TRDN: variants seen among roughly 807,000 people sequenced by gnomAD.
The protein encoded by TRDN is triadin.
A neutral mutation model predicts 149.7 loss-of-function variants in TRDN; 161 were observed. The ratio of observed to expected loss-of-function variants is 1.08; its 90% confidence interval spans 0.95 to 1.23. The LOEUF is 1.23. Ranked by LOEUF, TRDN falls within the 50% of genes most tolerant of loss-of-function variation. The pLI is 0.00. For missense variants in TRDN, 896 were observed against 823.5 expected (o/e 1.09, Z -1.08); for synonymous variants, 294 against 250.5 (o/e 1.17, Z -1.64).
intron 1 of TRDN, among the ~76,000 whole-genome samples, chr6:123,591,517 A>G (rs1416009359): frequency 6.6e-6 from 1 of 152,214 alleles, no homozygotes; most frequent in African/African-American, 2.4e-5. Flanking sequence ...AAGTGCTGGG[A>G]TTATAGGCAT....
At chr6:123,497,149 C>CA in intron 9 of TRDN, 44 bp downstream of exon 9, 1 of 1,437,386 alleles carries the variant, frequency 7.0e-7, no homozygotes, top group East Asian at 2.7e-5. Context: ...ATCTTAGAAA[C>CA]AAAGACTATT....
chr6:123,341,526 G>A (rs1780061903), intron 21 of TRDN, among the ~76,000 whole-genome samples: 1 of 147,390 alleles, frequency 6.8e-6, no homozygotes, highest in South Asian at 2.1e-4. Flanking sequence ...ATAAAATTTT[G>A]CAACCTGTGT....
chr6:123,385,555 T>C (rs560779968), intron 14 of TRDN, among the ~76,000 whole-genome samples: 26 of 152,314 alleles, frequency 1.7e-4, no homozygotes, highest in Admixed American at 1.4e-3. Context: ...ACCTGCCTGA[T>C]TGACAACTTT....
intron 13 of TRDN, among the ~76,000 whole-genome samples, chr6:123,391,050 T>C (rs1392694596): frequency 6.6e-6 from 1 of 152,098 alleles, no homozygotes; most frequent in African/African-American, 2.4e-5. Flanking sequence ...TACCTCATCA[T>C]TGCACCTAAC....
chr6:123,542,667 C>T (rs1379959400), intron 4 of TRDN, among the ~76,000 whole-genome samples: 1 of 151,930 alleles, frequency 6.6e-6, no homozygotes, highest in African/African-American at 2.4e-5. Flanking sequence ...AGTGTTAATA[C>T]CAGTATTTTA....
At chr6:123,306,673 C>G (rs905489761) in intron 24 of TRDN, among the ~76,000 whole-genome samples, 1 of 152,040 alleles carries the variant, frequency 6.6e-6, no homozygotes, top group Non-Finnish European at 1.5e-5. Context: ...GCTGGCTAAA[C>G]TTTCTCGAAA....
chr6:123,438,577 A>C (rs1240389284), intron 11 of TRDN, among the ~76,000 whole-genome samples: 1 of 152,126 alleles, frequency 6.6e-6, no homozygotes, highest in South Asian at 2.1e-4. Context: ...AAACCAATCA[A>C]GTATTTTCTG....
At chr6:123,220,982 A>G (rs541639036) in intron 40 of TRDN, among the ~76,000 whole-genome samples, 10 of 151,956 alleles carry the variant, frequency 6.6e-5, no homozygotes, top group African/African-American at 2.2e-4. Flanking sequence ...CTGCACATGA[A>G]TATTGATTGG....
At chr6:123,621,741 G>C (rs528862339) in intron 1 of TRDN, among the ~76,000 whole-genome samples, 1 of 152,044 alleles carries the variant, frequency 6.6e-6, no homozygotes, top group East Asian at 1.9e-4. Context: ...TCGATGTTGA[G>C]GTCATAAAAC....
intron 4 of TRDN, among the ~76,000 whole-genome samples, chr6:123,537,257 T>C (rs1780596600): frequency 6.6e-6 from 1 of 152,196 alleles, no homozygotes; most frequent in Non-Finnish European, 1.5e-5. Flanking sequence ...TCCTTATTAA[T>C]GATTAGGGTA....
intron 4 of TRDN, among the ~76,000 whole-genome samples, chr6:123,536,579 A>C (rs572375087): frequency 1.3e-5 from 2 of 152,054 alleles, no homozygotes; most frequent in South Asian, 4.1e-4. Context: ...GGCCAGGTGC[A>C]GTATCTCACA....
chr6:123,587,357 G>A (rs966888737), intron 1 of TRDN, among the ~76,000 whole-genome samples: 5 of 152,116 alleles, frequency 3.3e-5, no homozygotes, highest in Admixed American at 6.5e-5. Context: ...AAAATGAAAG[G>A]AATTGAAATT....
rs951849803 is a variant in TRDN at position 123,227,458 on chromosome 6, G to T, written c.1976-3327C>A. 2.0e-5 allele frequency among the ~76,000 whole-genome samples: 3 copies of T among 151,786 alleles called. No individual in the cohort carries two copies. The East Asian group carries it at 5.9e-4, about 30-fold the overall frequency. ...ATAATGAAAAGTTCAATTCTCTATG[G>T]GTTGAACTGTGGTGCTAGGCCAGTC... On this transcript the variant is annotated intron_variant, in intron 38 of 40. Coordinates refer to ENST00000334268, the MANE Select transcript of TRDN (RefSeq NM_006073.4).
intron 9 of TRDN, among the ~76,000 whole-genome samples, chr6:123,486,930 C>T (rs1215549071): frequency 2.0e-5 from 3 of 151,952 alleles, no homozygotes; most frequent in African/African-American, 7.2e-5. Context: ...AATATTATTA[C>T]CCATGTTATG....
At chr6:123,505,688 C>A (rs1778891655) in intron 7 of TRDN, among the ~76,000 whole-genome samples, 1 of 151,850 alleles carries the variant, frequency 6.6e-6, no homozygotes, top group African/African-American at 2.4e-5. Context: ...AAATATTACT[C>A]AATTACTCTA....
intron 1 of TRDN, among the ~76,000 whole-genome samples, chr6:123,582,622 T>C (rs528606210): frequency 6.6e-6 from 1 of 152,206 alleles, no homozygotes; most frequent in African/African-American, 2.4e-5. Flanking sequence ...GAACAGGCCA[T>C]TTTCACTTCT....
intron 10 of TRDN, among the ~76,000 whole-genome samples, chr6:123,446,478 C>G (rs143425420): frequency 6.7e-6 from 1 of 148,998 alleles, no homozygotes; most frequent in Non-Finnish European, 1.5e-5. Flanking sequence ...CCAGCTGCTC[C>G]GGAGGCTGAA....
At chr6:123,345,761 T>C (rs1039305783) in intron 21 of TRDN, among the ~76,000 whole-genome samples, 6 of 152,074 alleles carry the variant, frequency 3.9e-5, no homozygotes, top group South Asian at 2.1e-4. Flanking sequence ...ACAGGTCTTA[T>C]ACATAATTTA....
At position 123,455,436 on chromosome 6, in the gene TRDN, GTGTC is replaced by G. The variant is rs71021449; in HGVS notation, c.931+9466_931+9469del. ...TGTGTGTGTGTGTGTGTGTGTGTGTGTGTCTGTGTGTGTTAGAGAAACAAAGAGA... is the reference window on the plus strand; with the variant it reads ...TGTGTGTGTGTGTGTGTGTGTGTGTGTGTGTGTGTTAGAGAAACAAAGAGA... On this transcript the variant is annotated intron_variant, in intron 10 of 40. Transcript: ENST00000334268. Among the ~76,000 whole-genome samples the G allele has an allele frequency of 2.4e-3, 343 of 145,598 alleles. 1 individual carries two copies. The highest frequency in any genetic ancestry group is 9.6e-3 in the South Asian group (42 of 4,370).
Sources: allele counts gnomAD v4.1 joint callset (sites outside exome capture counted in the v4.1 genomes callset), GRCh38; gene constraint gnomAD v4.1.1; transcripts MANE v1.5; gene names NCBI Gene and HGNC (gene_info 2026-07-23, HGNC 2026-07-21).